Variants in PTCD2 observed in about 807,000 individuals in gnomAD.
PTCD2 encodes the protein pentatricopeptide repeat domain 2, also known as pentatricopeptide repeat-containing protein 2, mitochondrial.
PTCD2 carries 31 observed loss-of-function variants against 42.6 expected under a neutral mutation model. The observed-to-expected ratio is 0.73, with a 90% CI of 0.55 to 0.98. The LOEUF (loss-of-function observed/expected upper bound fraction) is 0.98, where lower values mean the gene tolerates loss of function less well. Among genes scored for constraint, PTCD2 ranks in the 50% least tolerant of loss-of-function variants. The probability of loss-of-function intolerance (pLI) is 0.00; values close to 1 mark genes in which losing one functional copy is unlikely to be tolerated. For missense variants in PTCD2, 476 were observed against 454.8 expected, an observed-to-expected ratio of 1.05 and a Z score of -0.42; for synonymous variants, 183 against 170.9, an observed-to-expected ratio of 1.07 and a Z score of -0.55.
At position 72,366,351 on chromosome 5, in the gene PTCD2, G is replaced by A. The variant is rs1008171629; in HGVS notation, c.*7924G>A. The stretch of plus-strand genomic sequence containing the variant: ...GATAAAGAAACTGAAGCTCAGAGAC[G>A]TTTAGTTGCTTGCCTGTGGATATAA... On this transcript the variant is annotated 3_prime_UTR_variant, in exon 10 of 10. Coordinates refer to ENST00000380639, the MANE Select transcript of PTCD2 (RefSeq NM_024754.5). 2.6e-5 allele frequency: 4 copies of A among 152,208 alleles called. No homozygotes were observed. Among genetic ancestry groups the A allele is most frequent in the Non-Finnish European group, 4.4e-5 (3 of 68,046 alleles). The allele number at this position is 152,208 out of a possible 1,614,324, so 9.4% of individuals were successfully genotyped here.
intron 2 of PTCD2, among the ~76,000 whole-genome samples, chr5:72,324,087 G>A (rs1206797240): frequency 6.6e-6 from 1 of 152,162 alleles, no homozygotes; most frequent in African/African-American, 2.4e-5. Context: ...CCCCAGTTGA[G>A]TAGGCTCAAT....
chr5:72,335,804 A>G lies in PTCD2; in HGVS notation c.558A>G (p.Gln186=). The G allele has an allele frequency of 1.2e-6, 2 of 1,613,052 alleles. No homozygotes were observed. Among genetic ancestry groups the G allele is most frequent in the Non-Finnish European group, 1.7e-6 (2 of 1,179,058 alleles). The change falls in exon 6 of 10, where the codon CAA becomes CAG. Residue 186 remains glutamine, a synonymous_variant. Coordinates refer to ENST00000380639, the MANE Select transcript of PTCD2 (RefSeq NM_024754.5). ...CTTCACTTTTGGCAGGTGCTTTGCAAGTATTGATAGAGATGAAAAACCAAG... is the reference window on the plus strand; with the variant it reads ...CTTCACTTTTGGCAGGTGCTTTGCAGGTATTGATAGAGATGAAAAACCAAG... The part of the protein sequence containing the change: ...FIKGKYKSAL[Q]VLIEMKNQDV...
chr5:72,337,731 T>TG (rs1363275940), intron 6 of PTCD2, among the ~76,000 whole-genome samples: 2 of 152,174 alleles, frequency 1.3e-5, no homozygotes, highest in African/African-American at 4.8e-5. Flanking sequence ...AGGCAGACGT[T>TG]GCGGTGAGCT....
chr5:72,325,788 T>G (rs1174435267), intron 2 of PTCD2, among the ~76,000 whole-genome samples: 1 of 152,228 alleles, frequency 6.6e-6, no homozygotes. Flanking sequence ...CTGACAACAG[T>G]TCTGCCTTCT....
chr5:72,337,173 T>C (rs1751796590), intron 6 of PTCD2, among the ~76,000 whole-genome samples: 2 of 152,156 alleles, frequency 1.3e-5, no homozygotes, highest in Admixed American at 1.3e-4. Context: ...TATGAAAAGC[T>C]AGATAGTAAA....
At position 72,367,141 on chromosome 5, in the gene PTCD2, T is replaced by C. The variant is rs1013006917; in HGVS notation, c.*8714T>C. The C allele has an allele frequency of 1.3e-5, 2 of 152,234 alleles. No homozygotes were observed. Among genetic ancestry groups the C allele is most frequent in the African/African-American group, 4.8e-5 (2 of 41,462 alleles). 9.4% of individuals were successfully genotyped at this position (152,234 alleles called of 1,614,324 possible). ...TGACTAAATCTTGGAGCGTTCTCCATTTAAGTGAGGGAAATGTTGGATTCC... is the reference window on the plus strand; with the variant it reads ...TGACTAAATCTTGGAGCGTTCTCCACTTAAGTGAGGGAAATGTTGGATTCC... On this transcript the variant is annotated 3_prime_UTR_variant, in exon 10 of 10. Coordinates refer to ENST00000380639, the MANE Select transcript of PTCD2 (RefSeq NM_024754.5).
At chr5:72,329,882 C>T (rs917740623) in intron 3 of PTCD2, among the ~76,000 whole-genome samples, 2 of 151,818 alleles carry the variant, frequency 1.3e-5, no homozygotes, top group Non-Finnish European at 2.9e-5. Context: ...TATTGCCTTC[C>T]AAAAACTTAA....
chr5:72,340,154 G>C (rs1751980605), intron 7 of PTCD2, among the ~76,000 whole-genome samples: 1 of 151,972 alleles, frequency 6.6e-6, no homozygotes. Flanking sequence ...ATTTTCTCTA[G>C]TTGGTATTTT....
Position 72,352,725 on chromosome 5 carries a change from G to A in PTCD2, c.913G>A (p.Val305Met). 6.3e-7 allele frequency: 1 copy of A among 1,598,164 alleles called. No homozygotes were observed. The highest frequency in any genetic ancestry group is 8.6e-7 in the Non-Finnish European group (1 of 1,165,846). Residue 305 changes from valine to methionine, a missense_variant, in exon 9 of 10, where the codon GTG becomes ATG. Val to Met is a conservative substitution (Grantham distance 21). Transcript: ENST00000380639. The stretch of plus-strand genomic sequence containing the variant: ...TGCAGAAGGAAATTTATCAAAATTT[G>A]TGAAAAGACATGTGTTCTCGGAGGA... Reference protein sequence around the residue: ...NAAEGNLSKFVKRHVFSEEVL... With the variant: ...NAAEGNLSKFMKRHVFSEEVL...
intron 1 of PTCD2, 105 bp from the exon 2 acceptor site, chr5:72,322,067 G>A (rs1750887319): frequency 4.6e-6 from 3 of 651,568 alleles, no homozygotes; most frequent in Non-Finnish European, 8.3e-6. Flanking sequence ...CTGTCTAATG[G>A]ATTATCTATA....
intron 1 of PTCD2, chr5:72,320,896 C>T (rs191608345): frequency 5.7e-5 from 11 of 194,590 alleles, no homozygotes; most frequent in Admixed American, 3.3e-4. Flanking sequence ...GCCTCCGCCT[C>T]CCGGGTTCAA....
intron 6 of PTCD2, among the ~76,000 whole-genome samples, chr5:72,336,998 C>G (rs1480640128): frequency 6.6e-6 from 1 of 152,030 alleles, no homozygotes; most frequent in Non-Finnish European, 1.5e-5. Flanking sequence ...AAGGGGATAG[C>G]TGGGTTATAG....
At chr5:72,323,011 G>A (rs1342284523) in intron 2 of PTCD2, among the ~76,000 whole-genome samples, 2 of 152,066 alleles carry the variant, frequency 1.3e-5, no homozygotes, top group African/African-American at 2.4e-5. Context: ...TTAGTTGGGC[G>A]TGGTGGTGCA....
intron 3 of PTCD2, among the ~76,000 whole-genome samples, chr5:72,330,481 TAATG>T (rs578262358): frequency 3.3e-4 from 51 of 152,336 alleles, no homozygotes; most frequent in African/African-American, 1.2e-3. Context: ...TGAAGATTCT[TAATG>T]AATAAGTCTT....
In PTCD2 at chr5:72,362,208, A is replaced by G. The variant is rs1302002451; in HGVS notation, c.*3781A>G. Reference sequence around the variant, plus strand: ...CTCATATGTTGAACTCCAAATCCCCAAGGTGTTGGTATTAGATGATGTAGC... The same window carrying G: ...CTCATATGTTGAACTCCAAATCCCCGAGGTGTTGGTATTAGATGATGTAGC... On this transcript the variant is annotated 3_prime_UTR_variant, in exon 10 of 10. Transcript: ENST00000380639. 1 of 152,184 alleles carries G rather than the reference A, an allele frequency of 6.6e-6. No homozygotes were observed. The highest frequency in any genetic ancestry group is 2.4e-5 in the African/African-American group (1 of 41,438). 9.4% of individuals were successfully genotyped at this position (152,184 alleles called of 1,614,324 possible). A position where few individuals can be genotyped will look rare whatever the true frequency, so the allele number is the denominator to read the frequency against.
chr5:72,343,277 G>C (rs939812259), intron 8 of PTCD2, among the ~76,000 whole-genome samples: 2 of 152,080 alleles, frequency 1.3e-5, no homozygotes, highest in Non-Finnish European at 2.9e-5. Context: ...AGGTAGATAT[G>C]CTCATATATA....
At chr5:72,356,345 AC>A (rs1295803446) in intron 9 of PTCD2, among the ~76,000 whole-genome samples, 3 of 152,182 alleles carry the variant, frequency 2.0e-5, no homozygotes, top group Non-Finnish European at 2.9e-5. Context: ...TAGAAAATGA[AC>A]CCTCTAGTTC....
Position 72,364,916 on chromosome 5 carries a change from G to T in PTCD2, c.*6489G>T, listed in dbSNP as rs1753167437. The stretch of plus-strand genomic sequence containing the variant: ...CGAGGGGTTGGGGGAGTAGGCGGTG[G>T]GCACAACGGTTCCAGGTGACTTTCA... On this transcript the variant is annotated 3_prime_UTR_variant, in exon 10 of 10. Transcript: ENST00000380639. 1 of 152,322 alleles carries T rather than the reference G, an allele frequency of 6.6e-6. No homozygotes were observed. The highest frequency in any genetic ancestry group is 2.1e-4 in the South Asian group (1 of 4,836). 9.4% of individuals were successfully genotyped at this position (152,322 alleles called of 1,614,324 possible).
chr5:72,350,622 G>A (rs1580183898), intron 8 of PTCD2, among the ~76,000 whole-genome samples: 1 of 152,192 alleles, frequency 6.6e-6, no homozygotes, highest in Non-Finnish European at 1.5e-5. Flanking sequence ...AAAAGGGTGT[G>A]CTCGTGATTT....
Sources: allele counts gnomAD v4.1 joint callset (sites outside exome capture counted in the v4.1 genomes callset), GRCh38; gene constraint gnomAD v4.1.1; transcripts MANE v1.5; gene names NCBI Gene and HGNC (gene_info 2026-07-23, HGNC 2026-07-21).